SEMA5A: variants seen among roughly 807,000 people sequenced by gnomAD.
SEMA5A encodes semaphorin-5A.
In SEMA5A, 55 loss-of-function variants were observed where a neutral mutation model predicts 135.5. That is an observed-to-expected ratio of 0.41 (90% CI 0.33 to 0.51). SEMA5A has a LOEUF of 0.51. Ranked by LOEUF, SEMA5A falls within the 20% of genes least tolerant of loss-of-function variation. The pLI is 0.37. For missense variants in SEMA5A, 1,290 were observed against 1,419.9 expected (o/e 0.91, Z 1.47); for synonymous variants, 580 against 546.5 (o/e 1.06, Z -0.85).
intron 3 of SEMA5A, among the ~76,000 whole-genome samples, chr5:9,377,107 G>GAAA (rs57379643): frequency 1.1e-5 from 1 of 89,874 alleles, no homozygotes; most frequent in Non-Finnish European, 2.3e-5. Flanking sequence ...TGTAGCTACC[G>GAAA]AAAAAAAAAA....
At chr5:9,443,874 A>C (rs888409707) in intron 1 of SEMA5A, among the ~76,000 whole-genome samples, 2 of 152,224 alleles carry the variant, frequency 1.3e-5, no homozygotes, top group African/African-American at 2.4e-5. Context: ...GAAAAGCAAA[A>C]TGCACAAAAG....
chr5:9,354,953 C>G (rs564495236), intron 3 of SEMA5A, among the ~76,000 whole-genome samples: 1 of 152,030 alleles, frequency 6.6e-6, no homozygotes, highest in African/African-American at 2.4e-5. Flanking sequence ...AGGAGTGTAA[C>G]GAGAGACAGG....
intron 9 of SEMA5A, among the ~76,000 whole-genome samples, chr5:9,198,858 C>T (rs1169116193): frequency 6.6e-6 from 1 of 152,068 alleles, no homozygotes; most frequent in East Asian, 1.9e-4. Context: ...CCAGGCATGC[C>T]TTGGGCCAGG....
chr5:9,295,945 C>A (rs774632085), intron 5 of SEMA5A, among the ~76,000 whole-genome samples: 1 of 152,304 alleles, frequency 6.6e-6, no homozygotes, highest in South Asian at 2.1e-4. Flanking sequence ...CCAATGCTTT[C>A]TTTAATTCTA....
In SEMA5A at chr5:9,361,755, G is replaced by C. The variant is rs3797998; in HGVS notation, c.124+18068C>G. ...TTAAACACTTTCAAGTCTGTTGGGA[G>C]TTGGTCTATTTTGCGGATCTAGGGT... On this transcript the variant is annotated intron_variant, in intron 3 of 22. Coordinates refer to ENST00000382496, the MANE Select transcript of SEMA5A (RefSeq NM_003966.3). Among the ~76,000 whole-genome samples the C allele has an allele frequency of 2.4e-3, 362 of 152,322 alleles. 5 individuals carry two copies. In the East Asian group the frequency reaches 0.026, roughly 11 times the overall value.
At chr5:9,210,460 T>C (rs3026334) in intron 8 of SEMA5A, among the ~76,000 whole-genome samples, 3,311 of 152,312 alleles carry the variant, frequency 0.022, 128 homozygotes, top group African/African-American at 0.074. Flanking sequence ...TTGCACCATG[T>C]ATGCAAGGCT....
chr5:9,341,165 CAAA>C (rs528855233), intron 3 of SEMA5A, among the ~76,000 whole-genome samples: 2 of 148,060 alleles, frequency 1.4e-5, no homozygotes, highest in Admixed American at 1.4e-4. Context: ...AGCAATATAT[CAAA>C]AAAAAAATCA....
chr5:9,380,117 C>A, intron 2 of SEMA5A, 94 bp from the exon 3 acceptor site: 1 of 799,372 alleles, frequency 1.3e-6, no homozygotes. Flanking sequence ...TTTAAGGTTA[C>A]ACTTTGTGGA....
At position 9,315,084 on chromosome 5, in the gene SEMA5A, T is replaced by C. The variant is rs575736861; in HGVS notation, c.270+3288A>G. On this transcript the variant is annotated intron_variant, in intron 5 of 22. Coordinates refer to ENST00000382496, the MANE Select transcript of SEMA5A (RefSeq NM_003966.3). ...TTGACCTCACAAAAATATATACACA[T>C]GAGTTAATGGAAATACATCTCCTCA... 4.6e-5 allele frequency among the ~76,000 whole-genome samples: 7 copies of C among 152,154 alleles called. No homozygotes were observed. In the South Asian group the frequency reaches 1.4e-3, roughly 32 times the overall value.
Position 9,042,903 on chromosome 5 carries a change from CTCA to C in SEMA5A, c.3216_3218del (p.Asp1072del). 1 of 1,613,928 alleles carries C rather than the reference CTCA, an allele frequency of 6.2e-7. No individual in the cohort carries two copies. The highest frequency in any genetic ancestry group is 8.5e-7 in the Non-Finnish European group (1 of 1,179,926). ...GCCAAAAACATGAAAGCTGTTAGTA[CTCA>C]TCATAATTATTGAGATCTGTAAAGT... On this transcript the variant is annotated inframe_deletion, in exon 23 of 23. Coordinates refer to ENST00000382496, the MANE Select transcript of SEMA5A (RefSeq NM_003966.3).
chr5:9,117,694 GTTTCAGAT>G lies in SEMA5A; in HGVS notation c.1925+1296_1925+1303del, dbSNP rs367626551. Among the ~76,000 whole-genome samples, 424 of 152,266 alleles carry G rather than the reference GTTTCAGAT, an allele frequency of 2.8e-3. 4 individuals carry two copies. The highest frequency in any genetic ancestry group is 9.8e-3 in the African/African-American group (407 of 41,556). ...AGTTTTGGATTTTGAAGCATATTGG[GTTTCAGAT>G]TTTCAGATTAGGAATGTTCAACCTG... On this transcript the variant is annotated intron_variant, in intron 15 of 22. Coordinates refer to ENST00000382496, the MANE Select transcript of SEMA5A (RefSeq NM_003966.3).
At chr5:9,281,275 C>A (rs1011066241) in intron 5 of SEMA5A, among the ~76,000 whole-genome samples, 22 of 152,182 alleles carry the variant, frequency 1.4e-4, no homozygotes, top group Admixed American at 1.3e-3. Flanking sequence ...TCACTTCATG[C>A]AAATACCTAA....
intron 11 of SEMA5A, among the ~76,000 whole-genome samples, chr5:9,160,212 A>T (rs1743176443): frequency 6.6e-6 from 1 of 152,126 alleles, no homozygotes; most frequent in African/African-American, 2.4e-5. Context: ...AAAAGTCAGC[A>T]TTCTCCTCCA....
chr5:9,133,788 T>TTTA (rs1741573157), intron 13 of SEMA5A, among the ~76,000 whole-genome samples: 1 of 151,136 alleles, frequency 6.6e-6, no homozygotes, highest in Non-Finnish European at 1.5e-5. Context: ...TTCTTTCTTT[T>TTTA]TTTTTTTTTT....
intron 1 of SEMA5A, among the ~76,000 whole-genome samples, chr5:9,484,198 G>T (rs1759988964): frequency 6.6e-6 from 1 of 152,168 alleles, no homozygotes; most frequent in Non-Finnish European, 1.5e-5. Context: ...GAATTTCAAG[G>T]ATTAGGGCAA....
At chr5:9,348,245 C>T (rs1434488101) in intron 3 of SEMA5A, among the ~76,000 whole-genome samples, 4 of 152,166 alleles carry the variant, frequency 2.6e-5, no homozygotes, top group African/African-American at 9.7e-5. Flanking sequence ...ATTAAACCAT[C>T]TGAAGCAATT....
At chr5:9,491,219 T>C (rs917646287) in intron 1 of SEMA5A, among the ~76,000 whole-genome samples, 3 of 152,040 alleles carry the variant, frequency 2.0e-5, no homozygotes, top group East Asian at 1.9e-4. Flanking sequence ...AGTAAAAAGA[T>C]TGGTGGTTGC....
chr5:9,472,505 A>C (rs1010416607), intron 1 of SEMA5A, among the ~76,000 whole-genome samples: 2 of 152,232 alleles, frequency 1.3e-5, no homozygotes, highest in Admixed American at 6.5e-5. Flanking sequence ...ATTGTTCTAT[A>C]GACACAGAAA....
Position 9,300,090 on chromosome 5 carries a change from T to A in SEMA5A, c.270+18282A>T, listed in dbSNP as rs773894321. Among the ~76,000 whole-genome samples the A allele has an allele frequency of 7.7e-4, 118 of 152,294 alleles. 1 individual carries two copies. The highest frequency in any genetic ancestry group is 1.5e-3 in the Non-Finnish European group (103 of 68,024). On this transcript the variant is annotated intron_variant, in intron 5 of 22. Coordinates refer to ENST00000382496, the MANE Select transcript of SEMA5A (RefSeq NM_003966.3). ...CTGTTAGACTGGGGTGCACTGGCAC[T>A]ATCATGGCTCACTGCAGCATCGAGC...
Sources: allele counts gnomAD v4.1 joint callset (sites outside exome capture counted in the v4.1 genomes callset), GRCh38; gene constraint gnomAD v4.1.1; transcripts MANE v1.5; gene names NCBI Gene and HGNC (gene_info 2026-07-23, HGNC 2026-07-21).